The following INSR variants were observed in gnomAD, a reference collection of about 807,000 sequenced individuals.
INSR encodes the protein IR.
INSR carries 67 observed loss-of-function variants against 142.6 expected under a neutral mutation model. The ratio of observed to expected loss-of-function variants is 0.47; its 90% confidence interval spans 0.39 to 0.58. The LOEUF (loss-of-function observed/expected upper bound fraction) is 0.58, where lower values mean the gene tolerates loss of function less well. Ranked by LOEUF, INSR falls within the 20% of genes least tolerant of loss-of-function variation. INSR has a pLI of 0.00. For missense variants in INSR, 1,248 were observed against 1,833.2 expected (o/e 0.68, Z 5.83); for synonymous variants, 756 against 743.1 (o/e 1.02, Z -0.28).
In INSR at chr19:7,153,023, A is replaced by C. The variant is rs1973425850; in HGVS notation, c.2030-96T>G. ...CCACACACACACACACCACACACAC[A>C]CACCACACACACACACACCACACAC... On this transcript the variant is annotated intron_variant, in intron 9 of 21. Transcript: ENST00000302850. The C allele has an allele frequency of 1.0e-5, 5 of 488,474 alleles. No individual in the cohort carries two copies. The African/African-American group carries it at 2.8e-4, about 28-fold the overall frequency. 30.3% of individuals were successfully genotyped at this position (488,474 alleles called of 1,614,324 possible).
intron 1 of INSR, among the ~76,000 whole-genome samples, chr19:7,290,587 A>G (rs2145256931): frequency 6.6e-6 from 1 of 152,110 alleles, no homozygotes; most frequent in South Asian, 2.1e-4. Flanking sequence ...AGCCTAACCA[A>G]TATGGCGAAA....
At chr19:7,272,869 T>C (rs188563777) in intron 1 of INSR, among the ~76,000 whole-genome samples, 59 of 152,108 alleles carry the variant, frequency 3.9e-4, no homozygotes, top group African/African-American at 1.3e-3. Flanking sequence ...GGTATGAACC[T>C]TCTCCATAAA....
chr19:7,231,382 C>T (rs1293563523), intron 2 of INSR, among the ~76,000 whole-genome samples: 1 of 149,722 alleles, frequency 6.7e-6, no homozygotes, highest in Non-Finnish European at 1.5e-5. Flanking sequence ...CTCTCTGCAA[C>T]CTCCATCTCC....
intron 11 of INSR, among the ~76,000 whole-genome samples, chr19:7,147,066 T>C (rs1372046023): frequency 6.6e-6 from 1 of 152,190 alleles, no homozygotes; most frequent in Non-Finnish European, 1.5e-5. Context: ...TTTGACAATA[T>C]TCTACAAGTT....
chr19:7,119,434 C>G lies in INSR; in HGVS notation c.3794+15G>C, dbSNP rs746113926. Reference sequence around the variant, plus strand: ...AACGAACACCTCACACACCTTAAACCCTTTCTACACTTACACTCTCTCTGG... The same window carrying G: ...AACGAACACCTCACACACCTTAAACGCTTTCTACACTTACACTCTCTCTGG... On this transcript the variant is annotated intron_variant, in intron 21 of 21. Coordinates refer to ENST00000302850, the MANE Select transcript of INSR (RefSeq NM_000208.4). This position sits in a 1 kb window ranked among gnomAD's most constrained non-coding sequence, Gnocchi z 5.2. 1.2e-6 allele frequency: 2 copies of G among 1,614,112 alleles called. No homozygotes were observed. Among genetic ancestry groups the G allele is most frequent in the Non-Finnish European group, 1.7e-6 (2 of 1,180,006 alleles).
At chr19:7,230,742 A>C (rs1975944458) in intron 2 of INSR, among the ~76,000 whole-genome samples, 1 of 147,252 alleles carries the variant, frequency 6.8e-6, no homozygotes, top group Non-Finnish European at 1.5e-5. Flanking sequence ...CGAGAGGCGG[A>C]GATTGCAGTG....
chr19:7,136,637 C>T (rs954409873), intron 13 of INSR, among the ~76,000 whole-genome samples: 3 of 151,912 alleles, frequency 2.0e-5, no homozygotes, highest in Non-Finnish European at 2.9e-5. Flanking sequence ...CCAATCCCAC[C>T]CAGACCAACT....
chr19:7,236,558 C>T (rs760466042), intron 2 of INSR, among the ~76,000 whole-genome samples: 1 of 152,126 alleles, frequency 6.6e-6, no homozygotes, highest in Non-Finnish European at 1.5e-5. Flanking sequence ...AACATTACAC[C>T]AAAGAAAAGA....
At chr19:7,186,138 G>T (rs1384111707) in intron 2 of INSR, among the ~76,000 whole-genome samples, 1 of 151,996 alleles carries the variant, frequency 6.6e-6, no homozygotes, top group Non-Finnish European at 1.5e-5. Context: ...GAGGTTGCAG[G>T]GAGCCGAGAT....
chr19:7,222,028 C>A (rs1600050570), intron 2 of INSR, among the ~76,000 whole-genome samples: 1 of 150,970 alleles, frequency 6.6e-6, no homozygotes, highest in African/African-American at 2.4e-5. Context: ...ATCCTCCTAG[C>A]AATTTTTTCA....
At chr19:7,223,534 A>T (rs1255427904) in intron 2 of INSR, among the ~76,000 whole-genome samples, 2 of 152,274 alleles carry the variant, frequency 1.3e-5, no homozygotes, top group African/African-American at 4.8e-5. Flanking sequence ...TGAGTTGGTC[A>T]CCCTAGTGAC....
Position 7,226,961 on chromosome 19 carries a change from A to G in INSR, c.652+40384T>C, listed in dbSNP as rs1975807565. Reference sequence around the variant, plus strand: ...TGGAAATATATGCCAGAGGAGACTTATGATGCTAATTTCCTTTAGTAAACA... The same window carrying G: ...TGGAAATATATGCCAGAGGAGACTTGTGATGCTAATTTCCTTTAGTAAACA... On this transcript the variant is annotated intron_variant, in intron 2 of 21. Coordinates refer to ENST00000302850, the MANE Select transcript of INSR (RefSeq NM_000208.4). 2.0e-5 allele frequency among the ~76,000 whole-genome samples: 3 copies of G among 152,322 alleles called. No individual in the cohort carries two copies. The South Asian group carries it at 6.2e-4, about 32-fold the overall frequency.
intron 2 of INSR, among the ~76,000 whole-genome samples, chr19:7,205,982 G>A (rs1303873028): frequency 6.6e-6 from 1 of 152,144 alleles, no homozygotes; most frequent in Non-Finnish European, 1.5e-5. Flanking sequence ...GTTTCGAGCA[G>A]ACACAGCTAC....
At chr19:7,261,755 T>C (rs1268308156) in intron 2 of INSR, among the ~76,000 whole-genome samples, 1 of 152,146 alleles carries the variant, frequency 6.6e-6, no homozygotes, top group Non-Finnish European at 1.5e-5. Flanking sequence ...GGTCTCGAAC[T>C]CCTGACCTCA....
At chr19:7,184,661 G>GAGAGA (rs199750451) in intron 2 of INSR, 24 bp from the exon 3 acceptor site, 17 of 1,294,246 alleles carry the variant, frequency 1.3e-5, no homozygotes, top group East Asian at 2.6e-5. Flanking sequence ...GAGAGAGAGA[G>GAGAGA]GGAAATAAAT....
rs1274090228 is a variant in INSR, at chr19:7,243,553, T to C, written c.652+23792A>G. On this transcript the variant is annotated intron_variant, in intron 2 of 21. Coordinates refer to ENST00000302850, the MANE Select transcript of INSR (RefSeq NM_000208.4). Reference sequence around the variant, plus strand: ...GAGCCACCGCACCTGGCCTAAATTTTTTCTTAAGTTATCAAAGAATTGCTT... The same window carrying C: ...GAGCCACCGCACCTGGCCTAAATTTCTTCTTAAGTTATCAAAGAATTGCTT... 3.3e-5 allele frequency among the ~76,000 whole-genome samples: 5 copies of C among 152,238 alleles called. No individual in the cohort carries two copies. The East Asian group carries it at 9.6e-4, about 29-fold the overall frequency.
At chr19:7,219,486 A>G (rs1186302036) in intron 2 of INSR, among the ~76,000 whole-genome samples, 2 of 110,148 alleles carry the variant, frequency 1.8e-5, no homozygotes, top group African/African-American at 7.1e-5. Context: ...GGAGGGAGGG[A>G]AGGAAGGAAG....
In INSR at chr19:7,261,397, A is replaced by C. The variant is rs199567582; in HGVS notation, c.652+5948T>G. ...ACCCCGTCTCCACTCTTCCCATGTA[A>C]GGCTTCGTGCATTGGACCTCTCCTG... On this transcript the variant is annotated intron_variant, in intron 2 of 21. Coordinates refer to ENST00000302850, the MANE Select transcript of INSR (RefSeq NM_000208.4). Among the ~76,000 whole-genome samples, 77 of 152,234 alleles carry C rather than the reference A, an allele frequency of 5.1e-4. No homozygotes were observed. The East Asian group carries it at 0.014, about 28-fold the overall frequency.
intron 10 of INSR, 45 bp downstream of exon 10, chr19:7,152,681 A>AAGCC (rs1328995870): frequency 6.6e-7 from 1 of 1,517,360 alleles, no homozygotes; most frequent in African/African-American, 1.4e-5. Context: ...CACCAACACC[A>AAGCC]AGCCAATTGG....
Sources: allele counts gnomAD v4.1 joint callset (sites outside exome capture counted in the v4.1 genomes callset), GRCh38; gene constraint gnomAD v4.1.1; non-coding constraint Gnocchi (gnomAD v3.1); transcripts MANE v1.5; gene names NCBI Gene and HGNC (gene_info 2026-07-23, HGNC 2026-07-21).